Variants in PARK7 observed in about 807,000 individuals in gnomAD.
PARK7 encodes the protein Parkinsonism associated deglycase, also known as Parkinson disease protein 7.
A neutral mutation model predicts 20.5 loss-of-function variants in PARK7; 14 were observed. The ratio of observed to expected loss-of-function variants is 0.68; its 90% CI spans 0.45 to 1.07. PARK7 has a LOEUF of 1.07. Ranked by LOEUF, PARK7 falls within the 50% of genes least tolerant of loss-of-function variation. PARK7 has a pLI of 0.00. For synonymous variants in PARK7, 98 were observed against 84.3 expected (o/e 1.16, Z -0.89); for missense variants, 234 against 238.1 (o/e 0.98, Z 0.11).
At chr1:7,969,126 TC>T in intron 3 of PARK7, 1 of 530,736 alleles carries the variant, frequency 1.9e-6, no homozygotes, top group Non-Finnish European at 3.4e-6. Flanking sequence ...AGCGTGGACA[TC>T]CTTGCATGTC....
intron 5 of PARK7, among the ~76,000 whole-genome samples, chr1:7,973,448 A>G (rs1640505352): frequency 6.6e-6 from 1 of 152,252 alleles, no homozygotes; most frequent in Non-Finnish European, 1.5e-5. Context: ...TGCTGAAAGT[A>G]AAAACCACAT....
intron 5 of PARK7, among the ~76,000 whole-genome samples, chr1:7,974,446 G>A (rs1410449609): frequency 6.6e-6 from 1 of 151,872 alleles, no homozygotes; most frequent in African/African-American, 2.4e-5. Context: ...TGGCTAACAC[G>A]GTGAAACCCT....
At chr1:7,976,350 T>C (rs1425676232) in intron 5 of PARK7, among the ~76,000 whole-genome samples, 3 of 152,206 alleles carry the variant, frequency 2.0e-5, no homozygotes, top group Non-Finnish European at 4.4e-5. Context: ...GAATACTTTG[T>C]AAAAAGCTTT....
chr1:7,981,139 G>A (rs1157338500), intron 6 of PARK7, among the ~76,000 whole-genome samples: 1 of 152,146 alleles, frequency 6.6e-6, no homozygotes, highest in African/African-American at 2.4e-5. Flanking sequence ...TGAAGAGCAG[G>A]GTCTCTGGAG....
chr1:7,976,319 C>T (rs543280757), intron 5 of PARK7, among the ~76,000 whole-genome samples: 1 of 152,106 alleles, frequency 6.6e-6, no homozygotes, highest in East Asian at 1.9e-4. Flanking sequence ...ATATGTGTGG[C>T]TTAGAGGAAA....
intron 3 of PARK7, among the ~76,000 whole-genome samples, chr1:7,967,533 A>G (rs1640354753): frequency 6.6e-6 from 1 of 152,222 alleles, no homozygotes; most frequent in Non-Finnish European, 1.5e-5. Context: ...AGATTCTAAA[A>G]GGAGTAAAAT....
Position 7,985,076 on chromosome 1 carries a change from C to T in PARK7, c.*22C>T, listed in dbSNP as rs747102087. ...CTAGAGCAGCGAACTGCGACGATCA[C>T]TTAGAGAAACAGGCCGTTAGGAATC... On this transcript the variant is annotated 3_prime_UTR_variant, in exon 7 of 7. Transcript: ENST00000338639. The T allele has an allele frequency of 6.2e-7, 1 of 1,611,734 alleles. No homozygotes were observed. The highest frequency in any genetic ancestry group is 2.2e-5 in the East Asian group (1 of 44,852).
chr1:7,969,781 T>C (rs1640419593), intron 4 of PARK7, among the ~76,000 whole-genome samples: 1 of 152,196 alleles, frequency 6.6e-6, no homozygotes, highest in African/African-American at 2.4e-5. Flanking sequence ...GGTTTCACCA[T>C]GTTGGCCAGT....
At chr1:7,982,667 C>T (rs1056518786) in intron 6 of PARK7, among the ~76,000 whole-genome samples, 1 of 152,178 alleles carries the variant, frequency 6.6e-6, no homozygotes, top group Non-Finnish European at 1.5e-5. Context: ...AGCTGTGCAT[C>T]TCACTGTCGC....
At chr1:7,977,308 T>C (rs1026663374) in intron 5 of PARK7, among the ~76,000 whole-genome samples, 1 of 152,220 alleles carries the variant, frequency 6.6e-6, no homozygotes, top group African/African-American at 2.4e-5. Flanking sequence ...TTGAAGTATT[T>C]TGAGTTTCTG....
rs1640304434 is a variant in PARK7, at chr1:7,965,423, G to C, written c.190G>C (p.Glu64Gln). The C allele has an allele frequency of 6.2e-7, 1 of 1,613,870 alleles. No individual in the cohort carries two copies. The highest frequency in any genetic ancestry group is 2.2e-5 in the East Asian group (1 of 44,890). ...PDASLEDAKK[E>Q]GPYDVVVLPG... ...TGCCAGCCTTGAAGATGCAAAAAAA[G>C]AGGTTTGTAATCCATACATGGAGTT... Residue 64 changes from glutamate to glutamine, a missense_variant and splice_region_variant, in exon 3 of 7, where the codon GAG becomes CAG. Physicochemically the swap from Glu to Gln is conservative, Grantham distance 29. Coordinates refer to ENST00000338639, the MANE Select transcript of PARK7 (RefSeq NM_007262.5).
At chr1:7,967,168 G>A (rs1229172432) in intron 3 of PARK7, among the ~76,000 whole-genome samples, 1 of 152,158 alleles carries the variant, frequency 6.6e-6, no homozygotes, top group Non-Finnish European at 1.5e-5. Context: ...AACATGGAGT[G>A]TTTAATTTGC....
chr1:7,979,031 A>G (rs1215455697), intron 6 of PARK7, among the ~76,000 whole-genome samples: 2 of 151,914 alleles, frequency 1.3e-5, no homozygotes, highest in African/African-American at 4.8e-5. Context: ...GATTTGCTTC[A>G]TCCTTGTTAA....
intron 4 of PARK7, among the ~76,000 whole-genome samples, chr1:7,970,369 G>A (rs1640439364): frequency 6.6e-6 from 1 of 152,174 alleles, no homozygotes; most frequent in South Asian, 2.1e-4. Context: ...CTTAACTGGG[G>A]GAAGCTGTGG....
chr1:7,964,426 A>G (rs1335143596), intron 2 of PARK7, among the ~76,000 whole-genome samples: 1 of 152,206 alleles, frequency 6.6e-6, no homozygotes, highest in Non-Finnish European at 1.5e-5. Context: ...TCTGGTTCTC[A>G]GAAATGAAGA....
chr1:7,967,300 T>C (rs1640350295), intron 3 of PARK7, among the ~76,000 whole-genome samples: 1 of 152,214 alleles, frequency 6.6e-6, no homozygotes, highest in South Asian at 2.1e-4. Flanking sequence ...TGCCACATTT[T>C]CTTTATGCAT....
intron 5 of PARK7, 52 bp from the exon 6 acceptor site, chr1:7,977,600 A>T (rs1051430058): frequency 1.1e-4 from 169 of 1,534,624 alleles, no homozygotes; most frequent in Non-Finnish European, 1.5e-4. Context: ...GCGATTTTTT[A>T]AACATGGGCT....
chr1:7,981,773 C>T (rs1453932600), intron 6 of PARK7, among the ~76,000 whole-genome samples: 1 of 151,732 alleles, frequency 6.6e-6, no homozygotes, highest in African/African-American at 2.4e-5. Flanking sequence ...ATTCTCCTGC[C>T]TCAGCCTCCC....
In PARK7 at chr1:7,969,734, C is replaced by CAT. The variant is rs202227943; in HGVS notation, c.252+331_252+332dup. Among the ~76,000 whole-genome samples, 1,485 of 152,276 alleles carry CAT rather than the reference C, an allele frequency of 9.8e-3. 25 individuals are homozygous for CAT. The highest frequency in any genetic ancestry group is 0.033 in the African/African-American group (1,388 of 41,552). On this transcript the variant is annotated intron_variant, in intron 4 of 6. Transcript: ENST00000338639. ...AGCTGGGATTGCAGGCATGCACCCCCATGCCCTGCTAATTTTTATATTTTT... is the reference window on the plus strand; with the variant it reads ...AGCTGGGATTGCAGGCATGCACCCCCATATGCCCTGCTAATTTTTATATTTTT...
Sources: allele counts gnomAD v4.1 joint callset (sites outside exome capture counted in the v4.1 genomes callset), GRCh38; gene constraint gnomAD v4.1.1; transcripts MANE v1.5; gene names NCBI Gene and HGNC (gene_info 2026-07-23, HGNC 2026-07-21).